AKAP6: variants seen among roughly 807,000 people sequenced by gnomAD.
AKAP6 encodes A-kinase anchoring protein 6, also known as A-kinase anchor protein 6.
Under a neutral mutation model 188.5 loss-of-function variants are expected in AKAP6, and 58 were observed. The observed-to-expected ratio is 0.31, with a 90% CI of 0.25 to 0.38. AKAP6 has a LOEUF of 0.38. Among genes scored for constraint, AKAP6 ranks in the 10% least tolerant of loss-of-function variants. The probability of loss-of-function intolerance (pLI) is 1.00; values close to 1 mark genes in which losing one functional copy is unlikely to be tolerated. For missense variants in AKAP6, 2,710 were observed against 2,740.0 expected (o/e 0.99, Z 0.24); for synonymous variants, 989 against 998.6 (o/e 0.99, Z 0.18).
intron 2 of AKAP6, among the ~76,000 whole-genome samples, chr14:32,435,727 G>A (rs1890356678): frequency 6.6e-6 from 1 of 152,078 alleles, no homozygotes; most frequent in South Asian, 2.1e-4. Flanking sequence ...TTTATCCTAG[G>A]ATGTCTATCA....
intron 7 of AKAP6, among the ~76,000 whole-genome samples, chr14:32,661,991 CAAT>C (rs755235002): frequency 2.6e-5 from 4 of 151,990 alleles, no homozygotes; most frequent in South Asian, 4.1e-4. Flanking sequence ...ATATGACTCT[CAAT>C]GATGATTTAA....
chr14:32,417,612 G>A (rs1889701604), intron 1 of AKAP6, among the ~76,000 whole-genome samples: 1 of 152,078 alleles, frequency 6.6e-6, no homozygotes, highest in South Asian at 2.1e-4. Flanking sequence ...AAAGTGAGAG[G>A]CTCAATAAAT....
At chr14:32,712,925 A>G (rs1208364115) in intron 9 of AKAP6, among the ~76,000 whole-genome samples, 2 of 152,062 alleles carry the variant, frequency 1.3e-5, no homozygotes, top group Non-Finnish European at 2.9e-5. Flanking sequence ...AAGCCTTTTC[A>G]GAAGGTTTTC....
At chr14:32,707,000 A>T (rs1460736101) in intron 9 of AKAP6, among the ~76,000 whole-genome samples, 2 of 152,124 alleles carry the variant, frequency 1.3e-5, no homozygotes, top group African/African-American at 4.8e-5. Context: ...TAAGTAGTTG[A>T]TTCCATATGC....
intron 2 of AKAP6, among the ~76,000 whole-genome samples, chr14:32,488,913 C>T (rs376835105): frequency 4.6e-5 from 7 of 152,160 alleles, no homozygotes; most frequent in South Asian, 2.1e-4. Flanking sequence ...CCGCCTTCTG[C>T]GTTGGTCTTG....
chr14:32,784,385 A>G (rs1277893322), intron 12 of AKAP6, among the ~76,000 whole-genome samples: 1 of 152,198 alleles, frequency 6.6e-6, no homozygotes, highest in Non-Finnish European at 1.5e-5. Flanking sequence ...CTCAAATGCC[A>G]TCTTAACAAA....
intron 11 of AKAP6, among the ~76,000 whole-genome samples, chr14:32,739,806 G>T (rs967309392): frequency 3.3e-5 from 5 of 152,020 alleles, no homozygotes; most frequent in South Asian, 2.1e-4. Context: ...CCAAATCTTG[G>T]CTATTGTGAA....
intron 8 of AKAP6, among the ~76,000 whole-genome samples, chr14:32,694,136 C>T (rs771296600): frequency 8.6e-5 from 13 of 150,990 alleles, no homozygotes; most frequent in African/African-American, 2.0e-4. Context: ...CCGAGGTGGG[C>T]GGATCATGAG....
intron 7 of AKAP6, among the ~76,000 whole-genome samples, chr14:32,656,157 A>G (rs1373788703): frequency 3.3e-5 from 5 of 152,160 alleles, no homozygotes; most frequent in African/African-American, 1.2e-4. Context: ...CTTAAAATGC[A>G]CTCATGAAGC....
chr14:32,725,643 A>G (rs2030833279), intron 9 of AKAP6, among the ~76,000 whole-genome samples: 1 of 152,194 alleles, frequency 6.6e-6, no homozygotes, highest in South Asian at 2.1e-4. Flanking sequence ...CCTACAGACC[A>G]TTCCTGACTA....
chr14:32,750,860 G>A (rs533739174), intron 11 of AKAP6, among the ~76,000 whole-genome samples: 9 of 148,152 alleles, frequency 6.1e-5, no homozygotes, highest in Admixed American at 2.1e-4. Flanking sequence ...TCAGCCTCCC[G>A]AGTAGCTGGG....
chr14:32,474,015 A>C (rs570990548), intron 2 of AKAP6: 1 of 152,426 alleles, frequency 6.6e-6, no homozygotes, highest in African/African-American at 2.4e-5. Context: ...CTCCTGCCTC[A>C]GCCTCTCAAG....
intron 5 of AKAP6, among the ~76,000 whole-genome samples, chr14:32,584,076 G>A (rs974298807): frequency 2.6e-5 from 4 of 152,194 alleles, no homozygotes; most frequent in South Asian, 4.1e-4. Flanking sequence ...CATCACTCAC[G>A]CTGGGAGCTG....
chr14:32,595,052 G>A (rs925972542), intron 5 of AKAP6, among the ~76,000 whole-genome samples: 15 of 152,006 alleles, frequency 9.9e-5, no homozygotes, highest in Admixed American at 9.2e-4. Flanking sequence ...TCACTTAGAA[G>A]GAAAAGCATA....
At chr14:32,415,896 G>T (rs1010207802) in intron 1 of AKAP6, among the ~76,000 whole-genome samples, 2 of 152,032 alleles carry the variant, frequency 1.3e-5, no homozygotes, top group Non-Finnish European at 2.9e-5. Context: ...ATAATATTCT[G>T]TCGTATGTAT....
At chr14:32,384,399 G>A (rs1370143481) in intron 1 of AKAP6, among the ~76,000 whole-genome samples, 3 of 152,306 alleles carry the variant, frequency 2.0e-5, no homozygotes, top group Admixed American at 6.5e-5. Flanking sequence ...GGGCTAAAAT[G>A]TGGGAAATTC....
At chr14:32,454,618 ACCTTCCTTCCTT>A (rs145451266) in intron 2 of AKAP6, among the ~76,000 whole-genome samples, 1 of 81,002 alleles carries the variant, frequency 1.2e-5, no homozygotes, top group Non-Finnish European at 2.1e-5. Context: ...TGAAAACTTG[ACCTTCCTTCCTT>A]CCTTCCCTCC....
At chr14:32,583,732 C>T (rs1465181282) in intron 5 of AKAP6, among the ~76,000 whole-genome samples, 2 of 152,182 alleles carry the variant, frequency 1.3e-5, no homozygotes, top group Non-Finnish European at 2.9e-5. Context: ...TCTCAGACTG[C>T]TGTGCTAGAA....
chr14:32,449,684 T>A (rs540863738), intron 2 of AKAP6, among the ~76,000 whole-genome samples: 7 of 152,174 alleles, frequency 4.6e-5, no homozygotes, highest in Admixed American at 1.3e-4. Context: ...TCATATGGCC[T>A]GAGGACTGAT....
Sources: allele counts gnomAD v4.1 joint callset (sites outside exome capture counted in the v4.1 genomes callset), GRCh38; gene constraint gnomAD v4.1.1; transcripts MANE v1.5; gene names NCBI Gene and HGNC (gene_info 2026-07-23, HGNC 2026-07-21).